Variants in ZMIZ1 observed in about 807,000 individuals in gnomAD.
ZMIZ1 encodes the protein zinc finger MIZ-type containing 1.
A neutral mutation model predicts 113.9 loss-of-function variants in ZMIZ1; 17 were observed. The ratio of observed to expected loss-of-function variants is 0.15; its 90% CI spans 0.10 to 0.22. ZMIZ1 has a LOEUF of 0.22. ZMIZ1 is among the 10% of genes least tolerant of loss of function. The pLI is 1.00. For synonymous variants in ZMIZ1, 607 were observed against 603.1 expected (o/e 1.01, Z -0.09); for missense variants, 1,059 against 1,477.8 (o/e 0.72, Z 4.65).
chr10:79,208,241 A>T, intron 5 of ZMIZ1, 95 bp from the exon 6 acceptor site: 1 of 1,015,880 alleles, frequency 9.8e-7, no homozygotes, highest in Non-Finnish European at 1.5e-6. Flanking sequence ...CCTCCTCCCC[A>T]GTGAGGCTGG....
At chr10:79,133,320 T>TG (rs1844854814) in intron 2 of ZMIZ1, among the ~76,000 whole-genome samples, 1 of 152,186 alleles carries the variant, frequency 6.6e-6, no homozygotes, top group Non-Finnish European at 1.5e-5. Flanking sequence ...CTCACAGCAT[T>TG]GGGTGCTCTG....
intron 7 of ZMIZ1, among the ~76,000 whole-genome samples, chr10:79,263,660 G>T (rs1327733537): frequency 6.6e-6 from 1 of 152,178 alleles, no homozygotes; most frequent in East Asian, 1.9e-4. Context: ...GAAGCCACTT[G>T]AGAGGTCCTG....
chr10:79,207,829 C>T (rs928620072), intron 5 of ZMIZ1, among the ~76,000 whole-genome samples: 1 of 152,034 alleles, frequency 6.6e-6, no homozygotes, highest in Admixed American at 6.5e-5. Flanking sequence ...GGTGGGAGCC[C>T]AGTCCTGGGC....
chr10:79,205,458 G>T (rs1848279049), intron 5 of ZMIZ1, among the ~76,000 whole-genome samples: 1 of 152,226 alleles, frequency 6.6e-6, no homozygotes, highest in Non-Finnish European at 1.5e-5. Flanking sequence ...TTCCAGAGGT[G>T]AACAGGAGGC....
intron 7 of ZMIZ1, among the ~76,000 whole-genome samples, chr10:79,222,582 G>C (rs1415282111): frequency 1.3e-5 from 2 of 152,202 alleles, no homozygotes; most frequent in Non-Finnish European, 2.9e-5. Context: ...ACAGCCATGG[G>C]AAATGTCAGC....
intron 7 of ZMIZ1, chr10:79,243,699 G>C (rs1474219221): frequency 3.3e-6 from 1 of 303,072 alleles, no homozygotes; most frequent in South Asian, 2.3e-5. Flanking sequence ...CCAAGCCCCC[G>C]AGGGCGCCAG....
intron 4 of ZMIZ1, among the ~76,000 whole-genome samples, chr10:79,167,472 G>A (rs1424811084): frequency 1.3e-5 from 2 of 152,120 alleles, no homozygotes; most frequent in East Asian, 3.9e-4. Flanking sequence ...TGTAGGCAAG[G>A]CCACTGCTGT....
At chr10:79,237,432 C>T (rs1254437213) in intron 7 of ZMIZ1, among the ~76,000 whole-genome samples, 2 of 152,174 alleles carry the variant, frequency 1.3e-5, no homozygotes, top group South Asian at 2.1e-4. Flanking sequence ...TACACAATAG[C>T]GATTCACTGT....
At chr10:79,241,642 A>T (rs1457820782) in intron 7 of ZMIZ1, among the ~76,000 whole-genome samples, 2 of 152,110 alleles carry the variant, frequency 1.3e-5, no homozygotes, top group South Asian at 2.1e-4. Context: ...TGCATTTTCA[A>T]ATGCCATCCT....
At chr10:79,080,084 A>T (rs1478769181) in intron 1 of ZMIZ1, among the ~76,000 whole-genome samples, 1 of 152,044 alleles carries the variant, frequency 6.6e-6, no homozygotes, top group Admixed American at 6.5e-5. Flanking sequence ...CTGGCCGGCC[A>T]CTCTGTAATT....
intron 2 of ZMIZ1, among the ~76,000 whole-genome samples, chr10:79,124,555 G>T (rs1218507224): frequency 1.3e-5 from 2 of 152,196 alleles, no homozygotes; most frequent in Non-Finnish European, 2.9e-5. Context: ...ACCGTGCTAG[G>T]CCCTGGTATC....
intron 2 of ZMIZ1, among the ~76,000 whole-genome samples, chr10:79,138,687 G>A (rs1204445013): frequency 6.6e-6 from 1 of 152,136 alleles, no homozygotes; most frequent in African/African-American, 2.4e-5. Flanking sequence ...CTCTTCTTCT[G>A]CACAACGTTT....
In ZMIZ1 at chr10:79,307,256, C is replaced by T. The variant is rs556070754; in HGVS notation, c.2669-149C>T. ...AGGGCTGAGTGGCTGCTCTATCCTA[C>T]AGCCCGGAAGCCTCGGGCTGCTGTG... is the stretch of plus-strand genomic sequence containing the variant. On this transcript the variant is annotated intron_variant, in intron 22 of 24. Coordinates refer to ENST00000334512, the MANE Select transcript of ZMIZ1 (RefSeq NM_020338.4). 2,379 of 730,626 alleles carry T rather than the reference C, an allele frequency of 3.3e-3. 54 individuals carry two copies. The African/African-American group carries it at 0.036, about 11-fold the overall frequency. The allele number at this position is 730,626 out of a possible 1,614,324, so 45.3% of individuals were successfully genotyped here.
At position 79,208,423 on chromosome 10, in the gene ZMIZ1, G is replaced by C. The variant is rs367932652; in HGVS notation, c.148G>C (p.Glu50Gln). 1.2e-6 allele frequency: 2 copies of C among 1,613,896 alleles called. No individual in the cohort carries two copies. The highest frequency in any genetic ancestry group is 2.2e-5 in the East Asian group (1 of 44,882). The change falls in exon 6 of 25, where the codon GAG (glutamate) becomes CAG (glutamine). Residue 50 changes from glutamate (E) to glutamine (Q), a missense_variant. Glu to Gln is a conservative substitution (Grantham distance 29). This residue lies in a region of ZMIZ1 where 272 missense variants were observed against 350.4 expected (regional missense o/e 0.78). Transcript: ENST00000334512. ...CCCACGGGCCTTCCAGCGGCCCTTC[G>C]AGCAGAGCCTGATGGGCTGTTTGAC... ...GDPRAFQRPFEQSLMGCLTVV... is the reference protein window; with the variant it reads ...GDPRAFQRPFQQSLMGCLTVV...
chr10:79,297,552 A>G, intron 13 of ZMIZ1, 61 bp from the exon 14 acceptor site: 2 of 1,417,386 alleles, frequency 1.4e-6, no homozygotes, highest in Admixed American at 1.7e-5. Context: ...GTCCAGAGGG[A>G]GAGCGGGCTT....
chr10:79,202,508 A>G (rs1848145237), intron 5 of ZMIZ1, among the ~76,000 whole-genome samples: 2 of 151,122 alleles, frequency 1.3e-5, no homozygotes, highest in South Asian at 4.2e-4. Context: ...TTTACAGGAA[A>G]GGAAACAAGT....
intron 4 of ZMIZ1, among the ~76,000 whole-genome samples, chr10:79,164,081 C>A (rs1166175229): frequency 6.6e-6 from 1 of 152,064 alleles, no homozygotes; most frequent in African/African-American, 2.4e-5. Context: ...GAAAAGAAAA[C>A]CACTCTAAGG....
chr10:79,311,149 CAGGGAGCGT>C lies in ZMIZ1; in HGVS notation c.3062_3070del (p.Gln1021_Ser1024delinsPro). On this transcript the variant is annotated inframe_deletion, in exon 24 of 25. Transcript: ENST00000334512. ...AGCCTTAGAGGGTCAGGCCGGAGCG[CAGGGAGCGT>C]CCGACATGCCGGAGCCTTCGCTGGA... 1 of 1,613,496 alleles carries C rather than the reference CAGGGAGCGT, an allele frequency of 6.2e-7. No homozygotes were observed. Among genetic ancestry groups the C allele is most frequent in the Non-Finnish European group, 8.5e-7 (1 of 1,179,924 alleles).
chr10:79,190,259 G>A lies in ZMIZ1; in HGVS notation c.-49-11325G>A, dbSNP rs561029616. On this transcript the variant is annotated intron_variant, in intron 4 of 24. Coordinates refer to ENST00000334512, the MANE Select transcript of ZMIZ1 (RefSeq NM_020338.4). ...TTGAGCTGTCTGTGGGCTGACCACA[G>A]GCCTGGCCTGGGCAGGCATCAGCAG... 9.2e-5 allele frequency among the ~76,000 whole-genome samples: 14 copies of A among 152,358 alleles called. No individual in the cohort carries two copies. The South Asian group carries it at 2.7e-3, about 29-fold the overall frequency.
Sources: gnomAD v4.1 joint callset for allele counts (sites outside exome capture counted in the v4.1 genomes callset) on GRCh38, gnomAD v4.1.1 for gene constraint, gnomAD v4.1.1 regional missense constraint, MANE v1.5 for transcripts, NCBI Gene and HGNC (gene_info 2026-07-23, HGNC 2026-07-21) for gene names.